Variants in ENAH observed in about 807,000 individuals in gnomAD.
The protein encoded by ENAH is ENAH actin regulator, also known as protein enabled homolog.
In ENAH, 23 loss-of-function variants were observed where a neutral mutation model predicts 78.7. The observed-to-expected ratio is 0.29, with a 90% CI of 0.21 to 0.41. The LOEUF is 0.41. Among genes scored for constraint, ENAH ranks in the 10% least tolerant of loss-of-function variants. The pLI is 1.00. For synonymous variants in ENAH, 226 were observed against 241.0 expected (o/e 0.94, Z 0.58); for missense variants, 544 against 691.0 (o/e 0.79, Z 2.39).
intron 3 of ENAH, among the ~76,000 whole-genome samples, chr1:225,554,570 GCAT>G (rs2151423877): frequency 6.6e-6 from 1 of 152,258 alleles, no homozygotes; most frequent in East Asian, 1.9e-4. Flanking sequence ...CCTATCCACT[GCAT>G]ATTCTCTGGG....
chr1:225,569,869 T>G (rs1435708824), intron 1 of ENAH, among the ~76,000 whole-genome samples: 1 of 152,120 alleles, frequency 6.6e-6, no homozygotes, highest in East Asian at 1.9e-4. Flanking sequence ...TGGCACACTG[T>G]GAAGGGATTA....
intron 3 of ENAH, among the ~76,000 whole-genome samples, chr1:225,549,091 G>A (rs890997926): frequency 6.6e-6 from 1 of 151,920 alleles, no homozygotes; most frequent in Non-Finnish European, 1.5e-5. Flanking sequence ...CTCAAGTGAT[G>A]CACCCGCCTC....
chr1:225,541,367 G>A (rs577865022), intron 3 of ENAH, among the ~76,000 whole-genome samples: 31 of 152,158 alleles, frequency 2.0e-4, no homozygotes, highest in Non-Finnish European at 3.8e-4. Context: ...CCCGGGAGGC[G>A]GAGGTTGCAG....
chr1:225,581,653 T>A (rs2096818471), intron 1 of ENAH, among the ~76,000 whole-genome samples: 1 of 152,094 alleles, frequency 6.6e-6, no homozygotes, highest in South Asian at 2.1e-4. Flanking sequence ...ACTTTCCAAA[T>A]GACCCTCCCA....
Position 225,487,745 on chromosome 1 carries a change from CTT to C in ENAH, c.*10028_*10029del, listed in dbSNP as rs1385811403. On this transcript the variant is annotated 3_prime_UTR_variant, in exon 14 of 14. Transcript: ENST00000366843. ...AGCAAAGAAAATAGCTCTGCATAAT[CTT>C]TTGACATACATGCACACTTCTAGTT... 3 of 152,290 alleles carry C rather than the reference CTT, an allele frequency of 2.0e-5. No homozygotes were observed. In the East Asian group the frequency reaches 5.8e-4, roughly 29 times the overall value. 9.4% of individuals were successfully genotyped at this position (152,290 alleles called of 1,614,324 possible). A position where few individuals can be genotyped will look rare whatever the true frequency, so the allele number is the denominator to read the frequency against.
chr1:225,562,567 G>A (rs1339208842), intron 2 of ENAH, among the ~76,000 whole-genome samples: 3 of 71,298 alleles, frequency 4.2e-5, no homozygotes, highest in Admixed American at 2.5e-4. Context: ...GCGAGACTGC[G>A]TCTCAAAAAA....
intron 1 of ENAH, among the ~76,000 whole-genome samples, chr1:225,580,912 C>CAAAAA (rs78529288): frequency 1.4e-4 from 9 of 63,914 alleles, no homozygotes; most frequent in African/African-American, 1.6e-4. Context: ...AGAAAAAAAC[C>CAAAAA]AAAAAAAAAA....
At chr1:225,597,927 TC>T (rs2096910305) in intron 1 of ENAH, among the ~76,000 whole-genome samples, 1 of 150,086 alleles carries the variant, frequency 6.7e-6, no homozygotes, top group African/African-American at 2.4e-5. Flanking sequence ...AGAGTTTCTC[TC>T]CACTTAACTT....
intron 4 of ENAH, among the ~76,000 whole-genome samples, chr1:225,526,629 G>A (rs1002740131): frequency 4.6e-5 from 7 of 151,488 alleles, no homozygotes; most frequent in Non-Finnish European, 7.4e-5. Flanking sequence ...CACAGCACAC[G>A]CCCTTCTATT....
chr1:225,614,977 C>T (rs1454639716), intron 1 of ENAH, among the ~76,000 whole-genome samples: 1 of 152,036 alleles, frequency 6.6e-6, no homozygotes, highest in Non-Finnish European at 1.5e-5. Context: ...ATACTTTTCT[C>T]CCTCTCCCTC....
intron 11 of ENAH, among the ~76,000 whole-genome samples, chr1:225,506,982 T>C (rs928817616): frequency 2.0e-5 from 3 of 152,202 alleles, no homozygotes; most frequent in Middle Eastern, 3.4e-3. Flanking sequence ...AGTTTCTAAA[T>C]ACATACTTTT....
upstream of ENAH, among the ~76,000 whole-genome samples, chr1:225,653,660 G>A (rs1663474400): frequency 6.6e-6 from 1 of 152,060 alleles, no homozygotes; most frequent in South Asian, 2.1e-4. The surrounding 1 kb of genome is among the most constrained non-coding windows in gnomAD (Gnocchi z 4.3). Flanking sequence ...AGGAGACTCC[G>A]GGTCGGCTCG....
At chr1:225,649,960 A>C (rs2148514649) in intron 1 of ENAH, among the ~76,000 whole-genome samples, 1 of 152,360 alleles carries the variant, frequency 6.6e-6, no homozygotes, top group African/African-American at 2.4e-5. Context: ...ATAACCAAAA[A>C]GGACTCAACT....
Position 225,497,766 on chromosome 1 carries a change from T to C in ENAH, c.*9A>G. The C allele has an allele frequency of 6.2e-7, 1 of 1,611,236 alleles. No individual in the cohort carries two copies. The highest frequency in any genetic ancestry group is 1.1e-5 in the South Asian group (1 of 90,748). Reference sequence around the variant, plus strand: ...AGATTAAAGTCCTATCTCTCCTTAGTCTGTTCCTCTATGCAGTATTTGACT... The same window carrying C: ...AGATTAAAGTCCTATCTCTCCTTAGCCTGTTCCTCTATGCAGTATTTGACT... On this transcript the variant is annotated 3_prime_UTR_variant, in exon 14 of 14. Coordinates refer to ENST00000366843, the MANE Select transcript of ENAH (RefSeq NM_018212.6).
At chr1:225,508,858 GCT>G (rs2096354990) in intron 10 of ENAH, among the ~76,000 whole-genome samples, 1 of 152,214 alleles carries the variant, frequency 6.6e-6, no homozygotes, top group Admixed American at 6.5e-5. Context: ...AACTAAAACT[GCT>G]CTGAGTTCCA....
At chr1:225,526,083 G>A (rs957075343) in intron 4 of ENAH, among the ~76,000 whole-genome samples, 11 of 151,858 alleles carry the variant, frequency 7.2e-5, no homozygotes, top group African/African-American at 1.2e-4. Flanking sequence ...AAAAGTTTGC[G>A]GACCTTTGAT....
chr1:225,641,668 C>T (rs188801568), intron 1 of ENAH, among the ~76,000 whole-genome samples: 2 of 151,934 alleles, frequency 1.3e-5, no homozygotes, highest in Admixed American at 1.3e-4. Context: ...GGGCAGATCA[C>T]GTGAGGTCCG....
intron 1 of ENAH, among the ~76,000 whole-genome samples, chr1:225,584,388 G>A (rs1179021687): frequency 1.3e-5 from 2 of 152,002 alleles, no homozygotes; most frequent in African/African-American, 4.8e-5. Flanking sequence ...TAACTAACAG[G>A]AGAGAGAAAA....
chr1:225,494,944 C>T lies in ENAH; in HGVS notation c.*2831G>A, dbSNP rs2096242324. ...CTGAAAATTCTAAAAAGGAAGTACACCTAAAAGCATGAGAATTCAACATTC... is the reference window on the plus strand; with the variant it reads ...CTGAAAATTCTAAAAAGGAAGTACATCTAAAAGCATGAGAATTCAACATTC... On this transcript the variant is annotated 3_prime_UTR_variant, in exon 14 of 14. Transcript: ENST00000366843. 1 of 152,574 alleles carries T rather than the reference C, an allele frequency of 6.6e-6. No homozygotes were observed. The highest frequency in any genetic ancestry group is 2.4e-5 in the African/African-American group (1 of 41,430). 9.5% of individuals were successfully genotyped at this position (152,574 alleles called of 1,614,324 possible). A position where few individuals can be genotyped will look rare whatever the true frequency, so the allele number is the denominator to read the frequency against.
Sources: gnomAD v4.1 joint callset for allele counts (sites outside exome capture counted in the v4.1 genomes callset) on GRCh38, gnomAD v4.1.1 for gene constraint, Gnocchi (gnomAD v3.1) non-coding constraint, MANE v1.5 for transcripts, NCBI Gene and HGNC (gene_info 2026-07-23, HGNC 2026-07-21) for gene names.